The following CAMK4 variants were observed in gnomAD, a reference collection of about 807,000 sequenced individuals.
CAMK4 encodes calcium/calmodulin-dependent protein kinase type IV.
Under a neutral mutation model 44.9 loss-of-function variants are expected in CAMK4, and 22 were observed. That is an observed-to-expected ratio of 0.49 (90% CI 0.35 to 0.70). CAMK4 has a LOEUF of 0.70. Among genes scored for constraint, CAMK4 ranks in the 30% least tolerant of loss-of-function variants. CAMK4 has a pLI of 0.01. For missense variants in CAMK4, 498 were observed against 586.8 expected (o/e 0.85, Z 1.56); for synonymous variants, 218 against 215.4 (o/e 1.01, Z -0.11).
chr5:111,421,093 T>C (rs554911436), intron 5 of CAMK4, among the ~76,000 whole-genome samples: 1 of 152,216 alleles, frequency 6.6e-6, no homozygotes, highest in Non-Finnish European at 1.5e-5. Flanking sequence ...TAAGAAATTA[T>C]AAAAGTATTA....
At chr5:111,423,336 A>C (rs115347230) in intron 5 of CAMK4, among the ~76,000 whole-genome samples, 2 of 152,242 alleles carry the variant, frequency 1.3e-5, no homozygotes, top group Admixed American at 6.5e-5. Flanking sequence ...AGAACTTGAC[A>C]TGATAGATAC....
chr5:111,459,406 C>G (rs1004892723), intron 7 of CAMK4, among the ~76,000 whole-genome samples: 4 of 152,286 alleles, frequency 2.6e-5, no homozygotes, highest in Admixed American at 1.3e-4. Flanking sequence ...TGACTCATCA[C>G]TCAGGATCCA....
At position 111,290,802 on chromosome 5, in the gene CAMK4, A is replaced by T. The variant is rs114647185; in HGVS notation, c.162-53222A>T. Among the ~76,000 whole-genome samples the T allele has an allele frequency of 2.0e-5, 3 of 152,134 alleles. No homozygotes were observed. The highest frequency in any genetic ancestry group is 2.9e-5 in the Non-Finnish European group (2 of 68,020). ...AAGGTGTCAAGGGTCCCCTACTAAT[A>T]CCTGGGGAGTAGAAAATCACACGTC... On this transcript the variant is annotated intron_variant, in intron 1 of 10. Coordinates refer to ENST00000282356, the MANE Select transcript of CAMK4 (RefSeq NM_001744.6). This position sits in a 1 kb window ranked among gnomAD's most constrained non-coding sequence, Gnocchi z 4.5.
intron 1 of CAMK4, among the ~76,000 whole-genome samples, chr5:111,276,625 A>C (rs902462102): frequency 1.3e-5 from 2 of 152,022 alleles, no homozygotes; most frequent in African/African-American, 2.4e-5. Flanking sequence ...TTTCTTGTTC[A>C]CTTAGGTCAT....
chr5:111,479,017 C>G (rs1755340731), intron 9 of CAMK4, among the ~76,000 whole-genome samples: 1 of 152,136 alleles, frequency 6.6e-6, no homozygotes, highest in Non-Finnish European at 1.5e-5. Context: ...AGCTGGGACA[C>G]AGGTGCATGC....
intron 1 of CAMK4, among the ~76,000 whole-genome samples, chr5:111,228,068 A>T (rs915801725): frequency 1.3e-5 from 2 of 152,082 alleles, no homozygotes; most frequent in Non-Finnish European, 2.9e-5. Flanking sequence ...GGTGGTGCAG[A>T]TTTCGTCTGT....
At chr5:111,387,452 C>T (rs1751643987) in intron 4 of CAMK4, among the ~76,000 whole-genome samples, 1 of 152,146 alleles carries the variant, frequency 6.6e-6, no homozygotes, top group East Asian at 1.9e-4. Flanking sequence ...TCATGTTATT[C>T]CAGCAATATC....
rs563251701 is a variant in CAMK4, at chr5:111,482,668, C to T, written c.829-117C>T. On this transcript the variant is annotated intron_variant, in intron 9 of 10. Coordinates refer to ENST00000282356, the MANE Select transcript of CAMK4 (RefSeq NM_001744.6). The surrounding 1 kb of genome is among the most constrained non-coding windows in gnomAD (Gnocchi z 4.9). ...CTGAGGACTTAAACAATTTTTTTCT[C>T]ACATATATTTAGTGGTACTGCTGGG... is the stretch of plus-strand genomic sequence containing the variant. The T allele has an allele frequency of 9.8e-6, 8 of 814,606 alleles. No homozygotes were observed. The highest frequency in any genetic ancestry group is 7.0e-5 in the African/African-American group (4 of 56,860). 50.5% of individuals were successfully genotyped at this position (814,606 alleles called of 1,614,324 possible). A position where few individuals can be genotyped will look rare whatever the true frequency, so the allele number is the denominator to read the frequency against.
At chr5:111,353,007 C>T (rs886735265) in intron 2 of CAMK4, among the ~76,000 whole-genome samples, 3 of 151,868 alleles carry the variant, frequency 2.0e-5, no homozygotes, top group African/African-American at 7.3e-5. Flanking sequence ...GAAATTGTTC[C>T]CCATTCCTCA....
At chr5:111,446,606 A>G in intron 5 of CAMK4, 80 bp from the exon 6 acceptor site, 2 of 730,392 alleles carry the variant, frequency 2.7e-6, no homozygotes, top group Non-Finnish European at 2.3e-6. Flanking sequence ...CATAACTTAT[A>G]GTTCTTAAAA....
intron 2 of CAMK4, among the ~76,000 whole-genome samples, chr5:111,371,110 A>C (rs1750988859): frequency 2.0e-5 from 3 of 152,178 alleles, no homozygotes; most frequent in Middle Eastern, 6.8e-3. Flanking sequence ...CACTAAACGA[A>C]AGAACTTTTA....
At chr5:111,237,824 GA>G (rs1748798277) in intron 1 of CAMK4, among the ~76,000 whole-genome samples, 2 of 152,186 alleles carry the variant, frequency 1.3e-5, no homozygotes, top group Admixed American at 6.5e-5. Context: ...TCTTGAAGGA[GA>G]TAAGAGCATA....
intron 1 of CAMK4, among the ~76,000 whole-genome samples, chr5:111,244,513 C>G (rs1438694469): frequency 6.6e-6 from 1 of 152,138 alleles, no homozygotes; most frequent in Non-Finnish European, 1.5e-5. Flanking sequence ...TTTGAAGATA[C>G]TAGTTAAATA....
chr5:111,324,274 T>G (rs1437106539), intron 1 of CAMK4, among the ~76,000 whole-genome samples: 1 of 151,884 alleles, frequency 6.6e-6, no homozygotes, highest in Admixed American at 6.6e-5. Context: ...GATTGATACA[T>G]TGAAAGAAGT....
intron 1 of CAMK4, among the ~76,000 whole-genome samples, chr5:111,238,288 G>A (rs151295669): frequency 2.2e-4 from 34 of 152,262 alleles, no homozygotes; most frequent in African/African-American, 7.9e-4. Flanking sequence ...TTCCTCCAAA[G>A]GCATGTATTG....
intron 5 of CAMK4, among the ~76,000 whole-genome samples, chr5:111,434,252 C>T (rs192477229): frequency 2.7e-5 from 4 of 147,372 alleles, no homozygotes; most frequent in African/African-American, 1.0e-4. Context: ...AAGATCGCGC[C>T]ACTGCACTGT....
At chr5:111,372,034 T>G (rs566632222) in intron 2 of CAMK4, among the ~76,000 whole-genome samples, 6 of 152,288 alleles carry the variant, frequency 3.9e-5, no homozygotes, top group African/African-American at 1.4e-4. Flanking sequence ...GGCAAAATTC[T>G]AAATTGCTAT....
chr5:111,380,721 G>A (rs1341236043), intron 4 of CAMK4, among the ~76,000 whole-genome samples: 1 of 152,104 alleles, frequency 6.6e-6, no homozygotes, highest in African/African-American at 2.4e-5. Flanking sequence ...TTGCTTGCCT[G>A]TTTAGGCTTG....
At chr5:111,420,654 G>T (rs1752992481) in intron 5 of CAMK4, among the ~76,000 whole-genome samples, 1 of 152,116 alleles carries the variant, frequency 6.6e-6, no homozygotes. Context: ...CACCTGAGGG[G>T]GCCGTTTATA....
Sources: gnomAD v4.1 joint callset for allele counts (sites outside exome capture counted in the v4.1 genomes callset) on GRCh38, gnomAD v4.1.1 for gene constraint, Gnocchi (gnomAD v3.1) non-coding constraint, MANE v1.5 for transcripts, NCBI Gene and HGNC (gene_info 2026-07-23, HGNC 2026-07-21) for gene names.